The following TMPRSS6 variants were observed in gnomAD, a reference collection of about 807,000 sequenced individuals.
TMPRSS6 encodes transmembrane serine protease 6.
A neutral mutation model predicts 101.5 loss-of-function variants in TMPRSS6; 67 were observed. That is an observed-to-expected ratio of 0.66 (90% confidence interval 0.54 to 0.81). The LOEUF (loss-of-function observed/expected upper bound fraction) is 0.81, where lower values mean the gene tolerates loss of function less well. Ranked by LOEUF, TMPRSS6 falls within the 30% of genes least tolerant of loss-of-function variation. The pLI is 0.00. For missense variants in TMPRSS6, 1,034 were observed against 1,088.7 expected, an observed-to-expected ratio of 0.95 and a Z score of 0.71; for synonymous variants, 453 against 464.9, an observed-to-expected ratio of 0.97 and a Z score of 0.33.
chr22:37,084,826 G>T lies in TMPRSS6; in HGVS notation c.987C>A (p.Asn329Lys). Residue 329 changes from asparagine to lysine, a missense_variant, in exon 9 of 18, where the codon AAC becomes AAA. By Grantham distance (94) the Asn-to-Lys change is moderately conservative (BLOSUM62 0). Transcript: ENST00000676104. ...QPVVFQACEV[N>K]LTLDNRLDSQ... ...AGTCGAGCCTGTTGTCCAGCGTCAG[G>T]TTCACTTCACAGGCTGGACCAGGAG... 6.4e-7 allele frequency: 1 copy of T among 1,554,746 alleles called. No homozygotes were observed. Among genetic ancestry groups the T allele is most frequent in the East Asian group, 2.4e-5 (1 of 41,418 alleles).
At chr22:37,076,040 A>G (rs188381500) in intron 10 of TMPRSS6, among the ~76,000 whole-genome samples, 8 of 150,226 alleles carry the variant, frequency 5.3e-5, no homozygotes, top group Admixed American at 5.3e-4. Flanking sequence ...GAAAGAAAGA[A>G]AGGGAGAGAG....
At chr22:37,099,292 G>C (rs578236609) in intron 2 of TMPRSS6, among the ~76,000 whole-genome samples, 6 of 152,218 alleles carry the variant, frequency 3.9e-5, no homozygotes, top group African/African-American at 1.4e-4. Flanking sequence ...GTGAGGACCC[G>C]GGCTGAAAGC....
intron 10 of TMPRSS6, among the ~76,000 whole-genome samples, chr22:37,079,371 T>C (rs945176534): frequency 4.0e-5 from 6 of 151,892 alleles, no homozygotes; most frequent in African/African-American, 1.2e-4. Flanking sequence ...ATCCAGGAGG[T>C]AGACAGGGAC....
In TMPRSS6 at chr22:37,066,004, T is replaced by G. The variant is rs1046188125; in HGVS notation, c.*76A>C. ...TCTCCCCCACCCCCCGCCAGAATACTTGTCCCCCTGCTTGGCAGTTGCCCT... is the reference window on the plus strand; with the variant it reads ...TCTCCCCCACCCCCCGCCAGAATACGTGTCCCCCTGCTTGGCAGTTGCCCT... On this transcript the variant is annotated 3_prime_UTR_variant, in exon 18 of 18. Transcript: ENST00000676104. 7 of 1,577,584 alleles carry G rather than the reference T, an allele frequency of 4.4e-6. No homozygotes were observed. Among genetic ancestry groups the G allele is most frequent in the Admixed American group, 3.3e-5 (2 of 59,808 alleles).
chr22:37,096,553 A>G, intron 4 of TMPRSS6, 95 bp downstream of exon 4: 1 of 1,362,464 alleles, frequency 7.3e-7, no homozygotes, highest in Admixed American at 2.0e-5. Context: ...CCCATTTGAA[A>G]CATGAAGGCA....
At chr22:37,093,384 CTTTTTTTTTTTTTTT>C (rs67659825) in intron 6 of TMPRSS6, among the ~76,000 whole-genome samples, 1 of 82,568 alleles carries the variant, frequency 1.2e-5, no homozygotes, top group East Asian at 3.8e-4. Flanking sequence ...TTCTTTCTTT[CTTTTTTTTTTTTTTT>C]TTTTTTTTTT....
At chr22:37,080,619 A>G (rs1928188752) in intron 10 of TMPRSS6, among the ~76,000 whole-genome samples, 1 of 152,282 alleles carries the variant, frequency 6.6e-6, no homozygotes, top group African/African-American at 2.4e-5. Context: ...ACAGTGGCCC[A>G]GTGCGGATGG....
In TMPRSS6 at chr22:37,103,336, ACATCCCCTCCGGCTCCGCTTCCTCGC is replaced by A. The variant is rs776065254; in HGVS notation, c.56_81del (p.Gly19ValfsTer5). ...CTCTTGGAGTCCTCACAGGCCTTGAACATCCCCTCCGGCTCCGCTTCCTCGCCATCACCTCCGTCCCCCTGCCCGCC... is the reference window on the plus strand; with the variant it reads ...CTCTTGGAGTCCTCACAGGCCTTGAACATCACCTCCGTCCCCCTGCCCGCC... On this transcript the variant is annotated frameshift_variant, in exon 2 of 18. Coordinates refer to ENST00000676104, the MANE Select transcript of TMPRSS6 (RefSeq NM_001374504.1). LOFTEE classifies it high-confidence loss of function. The surrounding 1 kb of genome is among the most constrained non-coding windows in gnomAD (Gnocchi z 4.4). 3.1e-6 allele frequency: 5 copies of A among 1,614,144 alleles called. No homozygotes were observed. Among genetic ancestry groups the A allele is most frequent in the African/African-American group, 1.3e-5 (1 of 75,024 alleles).
At chr22:37,080,197 A>AGCTGGG (rs1928153914) in intron 10 of TMPRSS6, 2 of 152,254 alleles carry the variant, frequency 1.3e-5, no homozygotes, top group African/African-American at 4.8e-5. Flanking sequence ...CCCCCAGGCC[A>AGCTGGG]CTCAAGGGCC....
Position 37,103,137 on chromosome 22 carries a change from C to G in TMPRSS6, c.202+79G>C. The G allele has an allele frequency of 1.4e-6, 2 of 1,478,716 alleles. No individual in the cohort carries two copies. Among genetic ancestry groups the G allele is most frequent in the Non-Finnish European group, 1.9e-6 (2 of 1,064,810 alleles). The allele number at this position is 1,478,716 out of a possible 1,614,324, so 91.6% of individuals were successfully genotyped here. On this transcript the variant is annotated intron_variant, in intron 2 of 17. Transcript: ENST00000676104. This position sits in a 1 kb window ranked among gnomAD's most constrained non-coding sequence, Gnocchi z 4.4. ...GCTAAGCACGGCTGAGCCTGGAACCCAGTCCTGTCCTGCTGTGCCTGCTAC... is the reference window on the plus strand; with the variant it reads ...GCTAAGCACGGCTGAGCCTGGAACCGAGTCCTGTCCTGCTGTGCCTGCTAC...
rs1555888508 is a variant in TMPRSS6, at chr22:37,078,973, A to AAAAAGAAAG, written c.1197-3694_1197-3693insCTTTCTTTT. ...GGAGAAAAAGAGAAAGAAAGAAAGA[A>AAAAAGAAAG]AAAGAAAGAAAGAAAGAAAGAAAGA... On this transcript the variant is annotated intron_variant, in intron 10 of 17. Transcript: ENST00000676104. Among the ~76,000 whole-genome samples the AAAAAGAAAG allele has an allele frequency of 2.1e-4, 22 of 106,590 alleles. 1 individual carries two copies. Among genetic ancestry groups the AAAAAGAAAG allele is most frequent in the Admixed American group, 2.0e-3 (20 of 10,250 alleles). 69.9% of individuals were successfully genotyped at this position (106,590 alleles called of 152,430 possible). A position where few individuals can be genotyped will look rare whatever the true frequency, so the allele number is the denominator to read the frequency against.
intron 7 of TMPRSS6, 129 bp downstream of exon 7, chr22:37,089,448 CT>C: frequency 1.1e-6 from 1 of 891,596 alleles, no homozygotes; most frequent in South Asian, 1.6e-5. Context: ...GCTAGCCGTC[CT>C]GTCTCCCAGA....
Position 37,073,089 on chromosome 22 carries a change from G to A in TMPRSS6, c.1555+443C>T, listed in dbSNP as rs1034951392. 2.8e-5 allele frequency among the ~76,000 whole-genome samples: 4 copies of A among 140,582 alleles called. No homozygotes were observed. The East Asian group carries it at 6.8e-4, about 24-fold the overall frequency. The allele number at this position is 140,582 out of a possible 152,430, so 92.2% of individuals were successfully genotyped here. ...TGGATGGATGGATGGATGGATAGAC[G>A]GATGATGGATGGATGGATGATGGAC... On this transcript the variant is annotated intron_variant, in intron 13 of 17. Coordinates refer to ENST00000676104, the MANE Select transcript of TMPRSS6 (RefSeq NM_001374504.1).
Position 37,065,587 on chromosome 22 carries a change from C to T in TMPRSS6, c.*493G>A, listed in dbSNP as rs1177535202. On this transcript the variant is annotated 3_prime_UTR_variant, in exon 18 of 18. Transcript: ENST00000676104. ...TGGCTTACAGTGGCAGCAGGCCCAC[C>T]TGGCAGTCTCCAGGGCTCTGAGGGT... The T allele has an allele frequency of 1.8e-5, 3 of 164,286 alleles. No individual in the cohort carries two copies. The allele number at this position is 164,286 out of a possible 1,614,324, so 10.2% of individuals were successfully genotyped here.
At position 37,097,383 on chromosome 22, in the gene TMPRSS6, C is replaced by A. The variant is rs568242705; in HGVS notation, c.337-668G>T. 2.6e-5 allele frequency among the ~76,000 whole-genome samples: 4 copies of A among 152,312 alleles called. No homozygotes were observed. The South Asian group carries it at 8.3e-4, about 32-fold the overall frequency. On this transcript the variant is annotated intron_variant, in intron 3 of 17. Coordinates refer to ENST00000676104, the MANE Select transcript of TMPRSS6 (RefSeq NM_001374504.1). ...GGCAACCAACACAGGGCCATGAATG[C>A]GCAGTGTAGAGCTGAGAGCATCTGA... is the stretch of plus-strand genomic sequence containing the variant.
At chr22:37,100,866 G>A (rs1189796555) in intron 2 of TMPRSS6, among the ~76,000 whole-genome samples, 1 of 152,240 alleles carries the variant, frequency 6.6e-6, no homozygotes, top group African/African-American at 2.4e-5. Flanking sequence ...AAAGCAACCT[G>A]CTGAGCGGAA....
Position 37,086,332 on chromosome 22 carries a change from G to A in TMPRSS6, c.924C>T (p.His308=). 2 of 1,614,096 alleles carry A rather than the reference G, an allele frequency of 1.2e-6. No individual in the cohort carries two copies. Among genetic ancestry groups the A allele is most frequent in the Non-Finnish European group, 1.7e-6 (2 of 1,179,992 alleles). The change falls in exon 8 of 18, where the codon CAC becomes CAT. Residue 308 remains histidine, a synonymous_variant. Coordinates refer to ENST00000676104, the MANE Select transcript of TMPRSS6 (RefSeq NM_001374504.1). The part of the protein sequence containing the change: ...IMAVVWKKGL[H]SYYDPFVLSV... ...AGAGCACGAAGGGGTCGTAGTAGCT[G>A]TGCAGGCCCTTCTTCCAGACGACCG... is the stretch of plus-strand genomic sequence containing the variant.
intron 10 of TMPRSS6, among the ~76,000 whole-genome samples, chr22:37,077,648 A>G (rs1273350185): frequency 1.3e-5 from 2 of 152,236 alleles, no homozygotes; most frequent in Non-Finnish European, 2.9e-5. Flanking sequence ...TGTTAAAGAA[A>G]TGTACAAAAA....
At chr22:37,097,123 C>T (rs1173500242) in intron 3 of TMPRSS6, among the ~76,000 whole-genome samples, 1 of 152,200 alleles carries the variant, frequency 6.6e-6, no homozygotes, top group Non-Finnish European at 1.5e-5. Flanking sequence ...GGATTACAGG[C>T]TCTTAAGCAT....
Sources: allele counts gnomAD v4.1 joint callset (sites outside exome capture counted in the v4.1 genomes callset), GRCh38; gene constraint gnomAD v4.1.1; non-coding constraint Gnocchi (gnomAD v3.1); transcripts MANE v1.5; gene names NCBI Gene and HGNC (gene_info 2026-07-23, HGNC 2026-07-21).